ADD3: variants seen among roughly 807,000 people sequenced by gnomAD.
ADD3 encodes adducin 3, also known as gamma-adducin.
ADD3 carries 25 observed loss-of-function variants against 80.2 expected under a neutral mutation model. That is an observed-to-expected ratio of 0.31 (90% confidence interval 0.23 to 0.44). The LOEUF is 0.44. Among genes scored for constraint, ADD3 ranks in the 20% least tolerant of loss-of-function variants. The pLI is 1.00. For synonymous variants in ADD3, 284 were observed against 289.6 expected (o/e 0.98, Z 0.20); for missense variants, 829 against 847.5 (o/e 0.98, Z 0.27).
intron 1 of ADD3, among the ~76,000 whole-genome samples, chr10:110,023,643 T>G (rs1853946395): frequency 6.6e-6 from 1 of 152,346 alleles, no homozygotes; most frequent in Non-Finnish European, 1.5e-5. Flanking sequence ...ATGAAGTAGA[T>G]TCAGCAAGTC....
At chr10:110,025,130 A>C (rs966595907) in intron 1 of ADD3, among the ~76,000 whole-genome samples, 1 of 151,968 alleles carries the variant, frequency 6.6e-6, no homozygotes, top group African/African-American at 2.4e-5. Flanking sequence ...TCCTGGCCTC[A>C]AGTGATCCAC....
chr10:110,051,110 G>A (rs1473101474), intron 1 of ADD3, among the ~76,000 whole-genome samples: 2 of 152,080 alleles, frequency 1.3e-5, no homozygotes, highest in African/African-American at 4.8e-5. Context: ...ATGTCCTCAT[G>A]CAAAAAAATG....
intron 10 of ADD3, among the ~76,000 whole-genome samples, chr10:110,124,973 T>C (rs1385450947): frequency 1.3e-5 from 2 of 152,228 alleles, no homozygotes; most frequent in African/African-American, 2.4e-5. Flanking sequence ...TGGTGTATTT[T>C]ATATGTGGCC....
At chr10:110,106,736 T>C (rs565250407) in intron 2 of ADD3, among the ~76,000 whole-genome samples, 2 of 152,248 alleles carry the variant, frequency 1.3e-5, no homozygotes, top group South Asian at 2.1e-4. Context: ...ACCATACTTT[T>C]TGGACCTATG....
intron 12 of ADD3, among the ~76,000 whole-genome samples, chr10:110,126,810 A>T (rs532296421): frequency 6.6e-6 from 1 of 152,278 alleles, no homozygotes; most frequent in Non-Finnish European, 1.5e-5. Flanking sequence ...CTCCTGAAGT[A>T]TTGGGATTAC....
chr10:110,093,574 A>G (rs571056743), intron 1 of ADD3, among the ~76,000 whole-genome samples: 50 of 152,342 alleles, frequency 3.3e-4, no homozygotes, highest in Non-Finnish European at 5.3e-4. Context: ...TATACTGATC[A>G]ATAGCCAACG....
intron 12 of ADD3, among the ~76,000 whole-genome samples, chr10:110,127,291 A>G (rs930947628): frequency 5.3e-5 from 8 of 152,012 alleles, no homozygotes; most frequent in African/African-American, 1.9e-4. Flanking sequence ...TTTGGGGTAC[A>G]TTGGCTTAGT....
intron 1 of ADD3, among the ~76,000 whole-genome samples, chr10:110,049,130 G>A (rs1230551105): frequency 1.3e-5 from 2 of 152,180 alleles, no homozygotes; most frequent in African/African-American, 2.4e-5. Context: ...CCCCAACCTT[G>A]GCAGCTTCCA....
At chr10:110,066,211 G>A (rs188514356) in intron 1 of ADD3, among the ~76,000 whole-genome samples, 19 of 152,204 alleles carry the variant, frequency 1.2e-4, no homozygotes, top group Admixed American at 3.3e-4. Flanking sequence ...TCCATTCAGC[G>A]TTCTGGAAAA....
At chr10:110,048,860 A>C (rs536596917) in intron 1 of ADD3, among the ~76,000 whole-genome samples, 1 of 152,352 alleles carries the variant, frequency 6.6e-6, no homozygotes, top group African/African-American at 2.4e-5. Flanking sequence ...TGGCTGCAGA[A>C]ATTTGCAGAA....
rs1266092707 is a variant in ADD3 at position 110,116,334 on chromosome 10, C to A, written c.410C>A (p.Thr137Asn). 1 of 1,614,174 alleles carries A rather than the reference C, an allele frequency of 6.2e-7. No homozygotes were observed. Among genetic ancestry groups the A allele is most frequent in the East Asian group, 2.2e-5 (1 of 44,882 alleles). Residue 137 changes from threonine to asparagine, a missense_variant, in exon 4 of 15, where the codon ACT (threonine) becomes AAT (asparagine). Transcript: ENST00000356080. Reference sequence around the variant, plus strand: ...TCATATGTGAAGGGAGAAAAACTTACTCGCTGTAAACTTGCCAGCCTGTAC... The same window carrying A: ...TCATATGTGAAGGGAGAAAAACTTAATCGCTGTAAACTTGCCAGCCTGTAC... ...TSSYVKGEKL[T>N]RCKLASLYRL...
intron 2 of ADD3, among the ~76,000 whole-genome samples, chr10:110,101,323 C>A (rs1364008839): frequency 1.3e-5 from 2 of 152,122 alleles, no homozygotes; most frequent in Non-Finnish European, 2.9e-5. Flanking sequence ...TGACTACACA[C>A]TAAATTAACT....
At chr10:110,050,372 G>T (rs181734138) in intron 1 of ADD3, among the ~76,000 whole-genome samples, 150 of 152,164 alleles carry the variant, frequency 9.9e-4, no homozygotes, top group African/African-American at 3.2e-3. Flanking sequence ...GAGATCTGAT[G>T]ATTTTATAAG....
rs56132718 is a variant in ADD3 at position 110,059,428 on chromosome 10, C to T, written c.-29-41197C>T. Among the ~76,000 whole-genome samples the T allele has an allele frequency of 3.1e-3, 474 of 150,760 alleles. 2 individuals are homozygous for T. Among genetic ancestry groups the T allele is most frequent in the Non-Finnish European group, 4.0e-3 (274 of 67,690 alleles). ...CAGAGGTTGCAGTGAGCTGAGTGCG[C>T]GCTGCTGCACTCCAGCCTGGGTGAC... On this transcript the variant is annotated intron_variant, in intron 1 of 14. Transcript: ENST00000356080.
intron 1 of ADD3, among the ~76,000 whole-genome samples, chr10:110,064,929 G>A (rs111787442): frequency 1.7e-4 from 26 of 152,200 alleles, no homozygotes; most frequent in African/African-American, 5.3e-4. Flanking sequence ...GTGGTGGCAC[G>A]CACCTGTAGT....
At chr10:110,112,588 C>T (rs1381737636) in intron 2 of ADD3, among the ~76,000 whole-genome samples, 189 bp from the exon 3 acceptor site, 4 of 152,134 alleles carry the variant, frequency 2.6e-5, no homozygotes, top group African/African-American at 4.8e-5. Context: ...GTTTTCCCCC[C>T]TAAAAGCAAG....
At chr10:110,132,266 T>C in intron 13 of ADD3, 39 bp from the exon 14 acceptor site, 1 of 1,464,222 alleles carries the variant, frequency 6.8e-7, no homozygotes. Context: ...CTGCTTTGTT[T>C]TGTTTTGCAT....
chr10:110,124,366 T>A, intron 10 of ADD3, 92 bp downstream of exon 10: 1 of 1,390,972 alleles, frequency 7.2e-7, no homozygotes, highest in Admixed American at 2.2e-5. Context: ...ATTTGGAAAG[T>A]AAAATAATAT....
chr10:110,048,321 G>A (rs1439027007), intron 1 of ADD3, among the ~76,000 whole-genome samples: 1 of 152,110 alleles, frequency 6.6e-6, no homozygotes, highest in Non-Finnish European at 1.5e-5. Flanking sequence ...GCATGAAAAT[G>A]GACTAATACT....
Sources: gnomAD v4.1 joint callset for allele counts (sites outside exome capture counted in the v4.1 genomes callset) on GRCh38, gnomAD v4.1.1 for gene constraint, MANE v1.5 for transcripts, NCBI Gene and HGNC (gene_info 2026-07-23, HGNC 2026-07-21) for gene names.